LOC400499: variants seen among roughly 807,000 people sequenced by gnomAD.
At chr16:11,419,345 G>A in the LOC400499 span, among the ~76,000 whole-genome samples, 2 of 151,834 alleles carry the variant, frequency 1.3e-5, no homozygotes, top group African/African-American at 2.4e-5. Flanking sequence ...AACAAGCAAT[G>A]GGGAAAGGAT....
chr16:11,447,908 C>T, the LOC400499 span: 677 of 1,526,894 alleles, frequency 4.4e-4, 2 homozygotes, highest in South Asian at 3.7e-3. Flanking sequence ...GCAGGGGTGT[C>T]AGCTGAGCAG....
the LOC400499 span, among the ~76,000 whole-genome samples, chr16:11,426,216 A>G: frequency 1.3e-5 from 2 of 151,866 alleles, no homozygotes; most frequent in African/African-American, 2.4e-5. Flanking sequence ...CAGGCAGATC[A>G]CTTGAGGTCA....
At chr16:11,386,642 G>A in the LOC400499 span, among the ~76,000 whole-genome samples, 4 of 152,216 alleles carry the variant, frequency 2.6e-5, no homozygotes, top group African/African-American at 9.7e-5. Context: ...TTTCACGGTG[G>A]AGCAAATAGA....
chr16:11,525,470 A>C, the LOC400499 span, among the ~76,000 whole-genome samples: 1 of 152,170 alleles, frequency 6.6e-6, no homozygotes, highest in Non-Finnish European at 1.5e-5. Context: ...CTTTGCATTC[A>C]AGTAGAATAT....
the LOC400499 span, chr16:11,372,706 G>A: frequency 2.1e-6 from 2 of 974,324 alleles, no homozygotes; most frequent in Non-Finnish European, 2.4e-6. Flanking sequence ...TTGAAGTCTG[G>A]CAGCCTAGTG....
the LOC400499 span, chr16:11,435,713 C>T: frequency 5.0e-6 from 2 of 399,262 alleles, no homozygotes; most frequent in African/African-American, 2.1e-5. Flanking sequence ...CCTGGGGGCA[C>T]TGAGGACAGC....
At chr16:11,493,808 T>C in the LOC400499 span, 1 of 345,818 alleles carries the variant, frequency 2.9e-6, no homozygotes, top group Non-Finnish European at 4.9e-6. Flanking sequence ...TAAATCGAGA[T>C]GGAGGTAGGA....
At chr16:11,373,447 C>T in the LOC400499 span, among the ~76,000 whole-genome samples, 5 of 152,144 alleles carry the variant, frequency 3.3e-5, no homozygotes, top group African/African-American at 9.7e-5. Context: ...GATTCTCCTG[C>T]GTCAGCCTCC....
At chr16:11,440,654 A>G in the LOC400499 span, 1 of 398,378 alleles carries the variant, frequency 2.5e-6, no homozygotes, top group Non-Finnish European at 4.4e-6. Context: ...CATCTCATAC[A>G]GGGCACCTTC....
the LOC400499 span, chr16:11,450,904 T>A: frequency 8.1e-7 from 1 of 1,231,070 alleles, no homozygotes; most frequent in Non-Finnish European, 1.1e-6. Flanking sequence ...GAGAGTCTCA[T>A]CACAGCCGCA....
At chr16:11,492,081 A>G in the LOC400499 span, among the ~76,000 whole-genome samples, 17 of 152,154 alleles carry the variant, frequency 1.1e-4, no homozygotes, top group African/African-American at 3.9e-4. Context: ...AGCCTCATCA[A>G]TTCCCCAACA....
At chr16:11,497,792 C>T in the LOC400499 span, among the ~76,000 whole-genome samples, 1 of 150,658 alleles carries the variant, frequency 6.6e-6, no homozygotes, top group African/African-American at 2.5e-5. Context: ...CCAGAAACCA[C>T]ATCGCAAAGA....
the LOC400499 span, among the ~76,000 whole-genome samples, chr16:11,511,547 G>C: frequency 1.3e-5 from 2 of 152,186 alleles, no homozygotes; most frequent in African/African-American, 4.8e-5. Flanking sequence ...GCCACAACAT[G>C]GATGAACCTT....
chr16:11,392,060 C>T, the LOC400499 span: 1 of 400,096 alleles, frequency 2.5e-6, no homozygotes. Flanking sequence ...ACCTTCTCTT[C>T]CAGCCGGGCT....
At chr16:11,473,353 A>G in the LOC400499 span, among the ~76,000 whole-genome samples, 3 of 151,606 alleles carry the variant, frequency 2.0e-5, no homozygotes, top group South Asian at 2.1e-4. Context: ...AAAAAAAAAA[A>G]AAGAAAAAAA....
the LOC400499 span, chr16:11,471,724 A>T: frequency 2.5e-6 from 1 of 399,206 alleles, no homozygotes; most frequent in Non-Finnish European, 4.4e-6. Context: ...CTGCAGCGTC[A>T]CGGCCGCGAA....
chr16:11,384,237 C>T, the LOC400499 span: 2 of 1,232,362 alleles, frequency 1.6e-6, no homozygotes, highest in Admixed American at 4.2e-5. Flanking sequence ...GGCTGAGCTC[C>T]TCCAGGCTGC....
At chr16:11,372,603 T>C in the LOC400499 span, 35 of 351,140 alleles carry the variant, frequency 1.0e-4, 2 homozygotes, top group South Asian at 3.9e-3. Context: ...CGTGCGGTTC[T>C]GAGTTTCCCG....
At chr16:11,397,337 G>A in the LOC400499 span, among the ~76,000 whole-genome samples, 12 of 152,258 alleles carry the variant, frequency 7.9e-5, no homozygotes, top group African/African-American at 2.2e-4. Flanking sequence ...ACAATGGCAC[G>A]ATCTCAGCTC....
Sources: gnomAD v4.1 joint callset for allele counts (sites outside exome capture counted in the v4.1 genomes callset) on GRCh38, gnomAD v4.1.1 for gene constraint, MANE v1.5 for transcripts.